The following HACD2 variants were observed in gnomAD, a reference collection of about 807,000 sequenced individuals.
HACD2 encodes 3-hydroxyacyl-CoA dehydratase 2, also known as very-long-chain (3R)-3-hydroxyacyl-CoA dehydratase 2.
Under a neutral mutation model 31.0 loss-of-function variants are expected in HACD2, and 15 were observed. That is an observed-to-expected ratio of 0.48 (90% CI 0.32 to 0.75). The LOEUF (loss-of-function observed/expected upper bound fraction) is 0.75. Ranked by LOEUF, HACD2 falls within the 30% of genes least tolerant of loss-of-function variation. The pLI is 0.03. For missense variants in HACD2, 283 were observed against 313.0 expected, an observed-to-expected ratio of 0.90 and a Z score of 0.72; for synonymous variants, 115 against 122.2, an observed-to-expected ratio of 0.94 and a Z score of 0.39.
At chr3:123,533,099 G>T (rs1174367547) in intron 3 of HACD2, among the ~76,000 whole-genome samples, 3 of 152,174 alleles carry the variant, frequency 2.0e-5, no homozygotes, top group Non-Finnish European at 2.9e-5. Context: ...TTTTGTGTAT[G>T]AGCTACCACA....
intron 4 of HACD2, among the ~76,000 whole-genome samples, chr3:123,513,282 AG>A (rs1382961519): frequency 6.6e-6 from 1 of 152,260 alleles, no homozygotes; most frequent in African/African-American, 2.4e-5. Flanking sequence ...CATGTGTAAA[AG>A]AAATGACAGA....
At chr3:123,550,754 G>A (rs1371947386) in intron 3 of HACD2, among the ~76,000 whole-genome samples, 1 of 152,082 alleles carries the variant, frequency 6.6e-6, no homozygotes, top group Non-Finnish European at 1.5e-5. Context: ...GTGGGCAGCT[G>A]GGACAGAGAT....
At chr3:123,495,630 G>C (rs2055823431) in intron 6 of HACD2, among the ~76,000 whole-genome samples, 1 of 151,688 alleles carries the variant, frequency 6.6e-6, no homozygotes, top group African/African-American at 2.4e-5. Context: ...TGAAAAGCAA[G>C]CCAGTGTCTT....
At chr3:123,508,070 G>A (rs559360359) in intron 4 of HACD2, among the ~76,000 whole-genome samples, 4 of 152,110 alleles carry the variant, frequency 2.6e-5, no homozygotes, top group African/African-American at 4.8e-5. Flanking sequence ...GGCATTTAGG[G>A]CAAAGAGGGA....
rs570529813 is a variant in HACD2, at chr3:123,520,012, G to T, written c.381+8374C>A. Among the ~76,000 whole-genome samples the T allele has an allele frequency of 7.9e-5, 12 of 152,236 alleles. No homozygotes were observed. In the East Asian group the frequency reaches 1.9e-3, roughly 25 times the overall value. Reference sequence around the variant, plus strand: ...TTTTAACTCATATAGGAGAGAAAAGGCATGTAAAATGGTTTCCAACAAAGG... The same window carrying T: ...TTTTAACTCATATAGGAGAGAAAAGTCATGTAAAATGGTTTCCAACAAAGG... On this transcript the variant is annotated intron_variant, in intron 4 of 6. Coordinates refer to ENST00000383657, the MANE Select transcript of HACD2 (RefSeq NM_198402.5).
intron 3 of HACD2, among the ~76,000 whole-genome samples, chr3:123,539,150 G>A (rs1205513867): frequency 6.6e-6 from 1 of 152,110 alleles, no homozygotes; most frequent in African/African-American, 2.4e-5. Flanking sequence ...GGGACCCAAA[G>A]GTGTCTCATT....
chr3:123,495,883 G>A (rs2055826083), intron 6 of HACD2, among the ~76,000 whole-genome samples: 1 of 152,158 alleles, frequency 6.6e-6, no homozygotes, highest in African/African-American at 2.4e-5. Flanking sequence ...CACCCAAAAT[G>A]CCTATAGTGT....
chr3:123,585,019 T>C lies in HACD2; in HGVS notation c.9A>G (p.Ala3=), dbSNP rs999935134. 1.4e-6 allele frequency: 2 copies of C among 1,411,980 alleles called. No individual in the cohort carries two copies. Among genetic ancestry groups the C allele is most frequent in the Admixed American group, 2.3e-5 (1 of 43,442 alleles). 87.5% of individuals were successfully genotyped at this position (1,411,980 alleles called of 1,614,324 possible). The part of the protein sequence containing the change: MA[A]VAATAAAKGN... ...CCTTCGCTGCTGCAGTCGCCGCCAC[T>C]GCCGCCATGTCAAGTGCCCGAAGCC... Residue 3 remains alanine, a synonymous_variant, in exon 1 of 7, where the codon GCA becomes GCG. Transcript: ENST00000383657.
intron 3 of HACD2, among the ~76,000 whole-genome samples, chr3:123,539,672 A>C (rs982363598): frequency 2.0e-5 from 3 of 152,108 alleles, no homozygotes; most frequent in Non-Finnish European, 4.4e-5. Flanking sequence ...ATACCTAAAC[A>C]AATGCAGAGA....
intron 4 of HACD2, among the ~76,000 whole-genome samples, chr3:123,511,042 A>C (rs1259080626): frequency 6.6e-6 from 1 of 150,658 alleles, no homozygotes; most frequent in Non-Finnish European, 1.5e-5. Context: ...ATGACTAGTG[A>C]TGTTGAGCAT....
intron 6 of HACD2, among the ~76,000 whole-genome samples, chr3:123,498,231 T>C (rs1290661611): frequency 6.6e-6 from 1 of 152,198 alleles, no homozygotes; most frequent in Non-Finnish European, 1.5e-5. Flanking sequence ...TTAATCATTA[T>C]TTGAGATCCA....
At chr3:123,534,816 T>C (rs138301589) in intron 3 of HACD2, among the ~76,000 whole-genome samples, 2 of 9,588 alleles carry the variant, frequency 2.1e-4, no homozygotes, top group Non-Finnish European at 1.2e-3. Flanking sequence ...GTGTGTGTCT[T>C]AGTTTTTAAC....
chr3:123,581,647 G>C, intron 2 of HACD2, among the ~76,000 whole-genome samples: 1 of 152,182 alleles, frequency 6.6e-6, no homozygotes, highest in Non-Finnish European at 1.5e-5. Context: ...CAACTACAGA[G>C]GCCAGAAAAT....
intron 4 of HACD2, among the ~76,000 whole-genome samples, chr3:123,513,079 T>A (rs1206848503): frequency 1.3e-5 from 2 of 152,026 alleles, no homozygotes; most frequent in East Asian, 1.9e-4. Context: ...AAATACTCAA[T>A]GGATGATGGA....
In HACD2 at chr3:123,534,877, T is replaced by C. The variant is rs76933853; in HGVS notation, c.293-6403A>G. Among the ~76,000 whole-genome samples, 1,354 of 151,926 alleles carry C rather than the reference T, an allele frequency of 8.9e-3. 74 individuals are homozygous for C. In the East Asian group the frequency reaches 0.14, roughly 15 times the overall value. On this transcript the variant is annotated intron_variant, in intron 3 of 6. Transcript: ENST00000383657. ...GAAATTAAAAATAGGAGAAAGCTTA[T>C]AGAATAAGGACGTAAAGTATTTCTG...
chr3:123,543,129 A>G (rs2056514188), intron 3 of HACD2, among the ~76,000 whole-genome samples: 1 of 152,314 alleles, frequency 6.6e-6, no homozygotes, highest in East Asian at 1.9e-4. Context: ...TCCGTTTTAA[A>G]TTACAGACCA....
At chr3:123,576,418 C>T (rs1441997329) in intron 2 of HACD2, among the ~76,000 whole-genome samples, 1 of 152,104 alleles carries the variant, frequency 6.6e-6, no homozygotes, top group East Asian at 1.9e-4. Context: ...TGTTGTGACA[C>T]TTATTAATTT....
chr3:123,519,869 C>T (rs991209720), intron 4 of HACD2, among the ~76,000 whole-genome samples: 1 of 152,234 alleles, frequency 6.6e-6, no homozygotes, highest in Non-Finnish European at 1.5e-5. Flanking sequence ...CTTTTCTTGG[C>T]TTTGCTGACA....
At chr3:123,518,335 G>A (rs2056171295) in intron 4 of HACD2, among the ~76,000 whole-genome samples, 1 of 152,174 alleles carries the variant, frequency 6.6e-6, no homozygotes, top group Non-Finnish European at 1.5e-5. Context: ...ATCTCTAGCT[G>A]AGCTGCACAC....
Sources: gnomAD v4.1 joint callset for allele counts (sites outside exome capture counted in the v4.1 genomes callset) on GRCh38, gnomAD v4.1.1 for gene constraint, MANE v1.5 for transcripts, NCBI Gene and HGNC (gene_info 2026-07-23, HGNC 2026-07-21) for gene names.